SLC25A21: variants seen among roughly 807,000 people sequenced by gnomAD.
SLC25A21 encodes the protein mitochondrial 2-oxodicarboxylate carrier.
SLC25A21 carries 47 observed loss-of-function variants against 43.8 expected under a neutral mutation model. The ratio of observed to expected loss-of-function variants is 1.07; its 90% CI spans 0.85 to 1.37. The LOEUF (loss-of-function observed/expected upper bound fraction) is 1.37. Ranked by LOEUF, SLC25A21 falls within the 40% of genes most tolerant of loss-of-function variation. The probability of loss-of-function intolerance (pLI) is 0.00; values close to 1 mark genes in which losing one functional copy is unlikely to be tolerated. For missense variants in SLC25A21, 352 were observed against 350.2 expected, an observed-to-expected ratio of 1.00 and a Z score of -0.04; for synonymous variants, 131 against 121.3, an observed-to-expected ratio of 1.08 and a Z score of -0.52.
At chr14:36,914,330 A>G (rs1594689218) in intron 1 of SLC25A21, among the ~76,000 whole-genome samples, 1 of 152,338 alleles carries the variant, frequency 6.6e-6, no homozygotes, top group East Asian at 1.9e-4. Flanking sequence ...ACCCAGTGAC[A>G]GAAAACATTG....
At chr14:37,106,539 A>C (rs1379035534) in intron 1 of SLC25A21, among the ~76,000 whole-genome samples, 1 of 152,108 alleles carries the variant, frequency 6.6e-6, no homozygotes, top group Non-Finnish European at 1.5e-5. Context: ...CTTAAAAAAC[A>C]ACCCTGTTTT....
At chr14:37,020,775 A>G (rs376731027) in intron 1 of SLC25A21, among the ~76,000 whole-genome samples, 1 of 151,984 alleles carries the variant, frequency 6.6e-6, no homozygotes, top group African/African-American at 2.4e-5. Flanking sequence ...TGAGGTGATT[A>G]GTTTCAAAAA....
chr14:36,908,240 G>A (rs1465895354), intron 1 of SLC25A21, among the ~76,000 whole-genome samples: 1 of 152,136 alleles, frequency 6.6e-6, no homozygotes. Context: ...ATAATGATAT[G>A]TCAATGCAGG....
At chr14:37,082,832 G>T (rs1962414629) in intron 1 of SLC25A21, among the ~76,000 whole-genome samples, 1 of 152,106 alleles carries the variant, frequency 6.6e-6, no homozygotes, top group South Asian at 2.1e-4. Flanking sequence ...TTTTTTTAAA[G>T]TGTTTCTTCA....
Position 36,980,083 on chromosome 14 carries a change from A to G in SLC25A21, c.71-105079T>C, listed in dbSNP as rs529855115. On this transcript the variant is annotated intron_variant, in intron 1 of 9. Coordinates refer to ENST00000331299, the MANE Select transcript of SLC25A21 (RefSeq NM_030631.4). Reference sequence around the variant, plus strand: ...GTTATTTATCCTCTGCTTACTTACGAAAGTACAGGCTGGGTGTACACAATG... The same window carrying G: ...GTTATTTATCCTCTGCTTACTTACGGAAGTACAGGCTGGGTGTACACAATG... 7.9e-3 allele frequency among the ~76,000 whole-genome samples: 1,203 copies of G among 152,318 alleles called. 96 individuals carry two copies. The East Asian group carries it at 0.17, about 22-fold the overall frequency.
chr14:36,705,723 A>T (rs1353596740), intron 7 of SLC25A21, among the ~76,000 whole-genome samples: 1 of 152,102 alleles, frequency 6.6e-6, no homozygotes, highest in Non-Finnish European at 1.5e-5. Context: ...ACATTTATAG[A>T]TTTTTTTTAA....
intron 1 of SLC25A21, among the ~76,000 whole-genome samples, chr14:37,131,920 C>G (rs1264438339): frequency 3.3e-5 from 5 of 152,144 alleles, no homozygotes; most frequent in African/African-American, 7.2e-5. Flanking sequence ...GTGATCCTCC[C>G]ACCTCAGCCT....
chr14:37,129,258 T>C (rs922723419), intron 1 of SLC25A21, among the ~76,000 whole-genome samples: 9 of 152,202 alleles, frequency 5.9e-5, no homozygotes, highest in African/African-American at 2.2e-4. Flanking sequence ...AAATATCACT[T>C]TCTTTGATTT....
chr14:37,032,348 A>T (rs1234428255), intron 1 of SLC25A21, among the ~76,000 whole-genome samples: 1 of 152,060 alleles, frequency 6.6e-6, no homozygotes, highest in Non-Finnish European at 1.5e-5. Flanking sequence ...ATCCTGGCTA[A>T]CACGGTGAAA....
chr14:37,083,464 C>T (rs1160429909), intron 1 of SLC25A21, among the ~76,000 whole-genome samples: 1 of 152,126 alleles, frequency 6.6e-6, no homozygotes, highest in East Asian at 1.9e-4. Flanking sequence ...AAACACAGTG[C>T]CAACTGTTTT....
At chr14:36,793,320 A>G (rs1247627550) in intron 3 of SLC25A21, among the ~76,000 whole-genome samples, 1 of 152,162 alleles carries the variant, frequency 6.6e-6, no homozygotes, top group Non-Finnish European at 1.5e-5. Flanking sequence ...AGATAAACAA[A>G]TTGTTTTTGT....
At chr14:37,050,596 T>A (rs1349452748) in intron 1 of SLC25A21, among the ~76,000 whole-genome samples, 1 of 152,224 alleles carries the variant, frequency 6.6e-6, no homozygotes, top group Non-Finnish European at 1.5e-5. Flanking sequence ...CTAGTGAATG[T>A]CATGAGCCTT....
chr14:36,948,622 C>T (rs892004773), intron 1 of SLC25A21, among the ~76,000 whole-genome samples: 1 of 152,082 alleles, frequency 6.6e-6, no homozygotes, highest in African/African-American at 2.4e-5. Context: ...TGAAAAGTTT[C>T]GCTTTCTAAT....
intron 1 of SLC25A21, among the ~76,000 whole-genome samples, chr14:37,154,458 C>T (rs1235865342): frequency 8.0e-6 from 1 of 124,488 alleles, no homozygotes; most frequent in African/African-American, 3.6e-5. Context: ...ACACAGGAAA[C>T]ATAAAAAAAA....
At chr14:36,726,999 C>T (rs1329609566) in intron 5 of SLC25A21, among the ~76,000 whole-genome samples, 1 of 152,182 alleles carries the variant, frequency 6.6e-6, no homozygotes, top group Non-Finnish European at 1.5e-5. Context: ...GATCCAGAGA[C>T]AGGAGGTCTA....
intron 1 of SLC25A21, among the ~76,000 whole-genome samples, chr14:36,959,209 C>A (rs1252624530): frequency 6.6e-6 from 1 of 152,136 alleles, no homozygotes; most frequent in African/African-American, 2.4e-5. Flanking sequence ...TCTGCCTGCC[C>A]ACAGCTCTCC....
At chr14:36,680,786 T>G in intron 9 of SLC25A21, 67 bp from the exon 10 acceptor site, 164 of 1,461,132 alleles carry the variant, frequency 1.1e-4, no homozygotes, top group Non-Finnish European at 1.4e-4. Context: ...CCCACTGGGT[T>G]TCTGAATCCA....
intron 1 of SLC25A21, among the ~76,000 whole-genome samples, chr14:37,121,578 A>T (rs557665193): frequency 6.6e-6 from 1 of 152,256 alleles, no homozygotes; most frequent in South Asian, 2.1e-4. Flanking sequence ...ACTTGAGGCC[A>T]AGAGTTTGAA....
chr14:36,760,578 T>C (rs1886114909), intron 3 of SLC25A21, among the ~76,000 whole-genome samples: 1 of 152,198 alleles, frequency 6.6e-6, no homozygotes, highest in South Asian at 2.1e-4. Flanking sequence ...GCCAGCTCCA[T>C]ACTGGCACTC....
Sources: gnomAD v4.1 joint callset for allele counts (sites outside exome capture counted in the v4.1 genomes callset) on GRCh38, gnomAD v4.1.1 for gene constraint, MANE v1.5 for transcripts, NCBI Gene and HGNC (gene_info 2026-07-23, HGNC 2026-07-21) for gene names.